RANBP2: variants seen among roughly 807,000 people sequenced by gnomAD.
RANBP2 encodes RAN binding protein 2.
In RANBP2, 57 loss-of-function variants were observed where a neutral mutation model predicts 303.6. The observed-to-expected ratio is 0.19, with a 90% CI of 0.15 to 0.23. RANBP2 has a LOEUF of 0.23. Ranked by LOEUF, RANBP2 falls within the 10% of genes least tolerant of loss-of-function variation. The pLI is 1.00. For missense variants in RANBP2, 3,138 were observed against 3,780.8 expected (o/e 0.83, Z 4.46); for synonymous variants, 1,167 against 1,301.5 (o/e 0.90, Z 2.23).
At chr2:109,100,214 T>A in the RANBP2 span, among the ~76,000 whole-genome samples, 4 of 152,232 alleles carry the variant, frequency 2.6e-5, no homozygotes. Context: ...GTCTGTGGCC[T>A]GTTAGGAACC....
chr2:109,183,432 G>A, the RANBP2 span, among the ~76,000 whole-genome samples: 2 of 152,162 alleles, frequency 1.3e-5, no homozygotes, highest in Non-Finnish European at 2.9e-5. Context: ...ATATCTAGAT[G>A]CATATAGTAG....
chr2:108,983,056 C>A, the RANBP2 span, among the ~76,000 whole-genome samples: 1 of 152,222 alleles, frequency 6.6e-6, no homozygotes, highest in Non-Finnish European at 1.5e-5. Flanking sequence ...CCACACTCTG[C>A]AAATCTACCG....
At chr2:109,234,798 T>G in the RANBP2 span, among the ~76,000 whole-genome samples, 1 of 152,320 alleles carries the variant, frequency 6.6e-6, no homozygotes, top group Middle Eastern at 3.4e-3. Context: ...CCTGACTTCC[T>G]GGGGAAATTC....
chr2:109,025,250 T>G, the RANBP2 span, among the ~76,000 whole-genome samples: 1 of 152,244 alleles, frequency 6.6e-6, no homozygotes, highest in Admixed American at 6.5e-5. Context: ...TTTGTTTAAC[T>G]GTTAAACTGT....
At chr2:108,778,252 C>CTAT (rs1678017338) in intron 25 of RANBP2, among the ~76,000 whole-genome samples, 1 of 152,168 alleles carries the variant, frequency 6.6e-6, no homozygotes, top group Non-Finnish European at 1.5e-5. Context: ...GAAACCATGC[C>CTAT]TAAATAAGCC....
At chr2:108,856,134 C>T in the RANBP2 span, among the ~76,000 whole-genome samples, 4 of 152,120 alleles carry the variant, frequency 2.6e-5, no homozygotes, top group East Asian at 1.9e-4. Context: ...GCTTCCCAAT[C>T]CTGGCCTTGC....
chr2:109,613,772 G>T, the RANBP2 span: 3 of 1,213,516 alleles, frequency 2.5e-6, no homozygotes, highest in Non-Finnish European at 3.1e-6. Flanking sequence ...GCGCGGGGCT[G>T]GGGCCCCGGC....
chr2:109,405,040 C>T, the RANBP2 span, among the ~76,000 whole-genome samples: 1 of 150,900 alleles, frequency 6.6e-6, no homozygotes, highest in Non-Finnish European at 1.5e-5. Flanking sequence ...ATCTCTAGCC[C>T]CTACATCTAC....
At chr2:109,104,593 C>A in the RANBP2 span, among the ~76,000 whole-genome samples, 24 of 152,040 alleles carry the variant, frequency 1.6e-4, no homozygotes, top group East Asian at 4.5e-3. Flanking sequence ...GTGCCATTCT[C>A]CTGCCTCAGC....
At chr2:109,434,162 G>A in the RANBP2 span, among the ~76,000 whole-genome samples, 1 of 152,184 alleles carries the variant, frequency 6.6e-6, no homozygotes, top group African/African-American at 2.4e-5. Flanking sequence ...CTAGGTTAGG[G>A]GACTCCCTGA....
the RANBP2 span, chr2:108,875,910 T>G: frequency 4.4e-5 from 7 of 158,732 alleles, no homozygotes; most frequent in African/African-American, 1.7e-4. Context: ...TTCAGGTTTA[T>G]CTCATAAAAC....
At chr2:108,889,260 T>G in the RANBP2 span, among the ~76,000 whole-genome samples, 1 of 152,158 alleles carries the variant, frequency 6.6e-6, no homozygotes, top group African/African-American at 2.4e-5. Flanking sequence ...GATGAAAGAA[T>G]GTATATTCTG....
the RANBP2 span, among the ~76,000 whole-genome samples, chr2:109,526,428 C>A: frequency 6.6e-6 from 1 of 152,208 alleles, no homozygotes; most frequent in African/African-American, 2.4e-5. Flanking sequence ...GTGCCTCAGC[C>A]TTCCAAGTAG....
chr2:109,383,549 T>G, the RANBP2 span, among the ~76,000 whole-genome samples: 10,747 of 152,240 alleles, frequency 0.071, 961 homozygotes, highest in African/African-American at 0.21. Flanking sequence ...GGTGCAGGCT[T>G]CTGCGGGCTG....
chr2:108,849,019 A>T, the RANBP2 span, among the ~76,000 whole-genome samples: 1 of 152,212 alleles, frequency 6.6e-6, no homozygotes, highest in Non-Finnish European at 1.5e-5. Flanking sequence ...GTAAGGGGAT[A>T]CATGGAAGAT....
chr2:108,930,967 C>A, the RANBP2 span: 2 of 1,613,916 alleles, frequency 1.2e-6, no homozygotes, highest in African/African-American at 2.7e-5. Flanking sequence ...CACTTACCAC[C>A]AGGACGGGGA....
At chr2:109,347,781 G>A in the RANBP2 span, 6 of 1,614,008 alleles carry the variant, frequency 3.7e-6, no homozygotes, top group Middle Eastern at 3.3e-4. Flanking sequence ...GGCGCAAGGT[G>A]GATGAACAGT....
In RANBP2 at chr2:108,779,320, C is replaced by G. The variant is rs777463212; in HGVS notation, c.8600-1949C>G. On this transcript the variant is annotated intron_variant, in intron 25 of 28. Transcript: ENST00000283195. ...GGGATTACAGGCATGCACTGCAACACCCCGCTAATTCTTTTAGTATTTTTA... is the reference window on the plus strand; with the variant it reads ...GGGATTACAGGCATGCACTGCAACAGCCCGCTAATTCTTTTAGTATTTTTA... Among the ~76,000 whole-genome samples the G allele has an allele frequency of 8.1e-4, 123 of 152,170 alleles. 1 individual carries two copies. Among genetic ancestry groups the G allele is most frequent in the Admixed American group, 2.2e-3 (34 of 15,276 alleles).
the RANBP2 span, among the ~76,000 whole-genome samples, chr2:108,843,787 G>A: frequency 1.3e-5 from 2 of 149,906 alleles, no homozygotes; most frequent in Non-Finnish European, 2.9e-5. Context: ...CAGTCTCTGG[G>A]CACGTTTTTT....
Sources: allele counts gnomAD v4.1 joint callset (sites outside exome capture counted in the v4.1 genomes callset), GRCh38; gene constraint gnomAD v4.1.1; transcripts MANE v1.5; gene names NCBI Gene and HGNC (gene_info 2026-07-23, HGNC 2026-07-21).